Variants in AFF3 observed in about 807,000 individuals in gnomAD.
AFF3 encodes ALF transcription elongation factor 3, also known as AF4/FMR2 family member 3.
In AFF3, 32 loss-of-function variants were observed where a neutral mutation model predicts 129.7. The observed-to-expected ratio is 0.25, with a 90% CI of 0.19 to 0.33. The LOEUF (loss-of-function observed/expected upper bound fraction) is 0.33. Ranked by LOEUF, AFF3 falls within the 10% of genes least tolerant of loss-of-function variation. The probability of loss-of-function intolerance (pLI) is 1.00; values close to 1 mark genes in which losing one functional copy is unlikely to be tolerated. For missense variants in AFF3, 1,373 were observed against 1,592.0 expected (o/e 0.86, Z 2.34); for synonymous variants, 644 against 635.4 (o/e 1.01, Z -0.20).
At chr2:99,973,185 CTCT>C (rs1678562355) in intron 7 of AFF3, among the ~76,000 whole-genome samples, 1 of 152,160 alleles carries the variant, frequency 6.6e-6, no homozygotes, top group Non-Finnish European at 1.5e-5. Context: ...GAGAAAGTTG[CTCT>C]TCTTTTTCTT....
chr2:99,761,172 G>A (rs1231714483), intron 8 of AFF3, among the ~76,000 whole-genome samples: 1 of 149,686 alleles, frequency 6.7e-6, no homozygotes, highest in Non-Finnish European at 1.5e-5. Flanking sequence ...CAAGGGATAC[G>A]TTCAGGTGAC....
At position 99,997,623 on chromosome 2, in the gene AFF3, T is replaced by A. The variant is rs554110370; in HGVS notation, c.873+9009A>T. On this transcript the variant is annotated intron_variant, in intron 7 of 24. Transcript: ENST00000672756. ...CACTCCTCTGCTCCAAACCCTTCAA[T>A]GGCTCCCAATTCTCACAGTAAAGCC... Among the ~76,000 whole-genome samples, 4 of 152,220 alleles carry A rather than the reference T, an allele frequency of 2.6e-5. No homozygotes were observed. In the South Asian group the frequency reaches 8.3e-4, roughly 32 times the overall value.
chr2:99,704,681 T>C (rs1677189560), intron 11 of AFF3, among the ~76,000 whole-genome samples: 1 of 152,180 alleles, frequency 6.6e-6, no homozygotes, highest in Non-Finnish European at 1.5e-5. Flanking sequence ...AGCCCTGAAA[T>C]CCTTCAACTT....
intron 13 of AFF3, among the ~76,000 whole-genome samples, chr2:99,625,677 G>A (rs139197438): frequency 4.6e-5 from 7 of 152,236 alleles, no homozygotes; most frequent in Non-Finnish European, 8.8e-5. Context: ...TTGAGGGCCT[G>A]GGAATTCATA....
chr2:99,553,412 C>T (rs996091528), intron 24 of AFF3, among the ~76,000 whole-genome samples: 8 of 152,140 alleles, frequency 5.3e-5, no homozygotes, highest in African/African-American at 1.9e-4. Flanking sequence ...ATCATGCTCC[C>T]ATGCTATCAT....
At chr2:99,603,702 G>C (rs1166887674) in intron 13 of AFF3, among the ~76,000 whole-genome samples, 1 of 152,116 alleles carries the variant, frequency 6.6e-6, no homozygotes, top group Non-Finnish European at 1.5e-5. Context: ...ACAACCTAAA[G>C]AATAGGAGAA....
At chr2:99,961,289 T>C (rs1365950408) in intron 7 of AFF3, among the ~76,000 whole-genome samples, 3 of 152,228 alleles carry the variant, frequency 2.0e-5, no homozygotes, top group African/African-American at 7.2e-5. Flanking sequence ...GAGGCCTCTT[T>C]CATGTGAAGA....
At chr2:99,880,848 G>A (rs185262952) in intron 7 of AFF3, among the ~76,000 whole-genome samples, 2 of 152,262 alleles carry the variant, frequency 1.3e-5, no homozygotes, top group African/African-American at 2.4e-5. Context: ...AGTTGGAGGA[G>A]GCAAAGGAAA....
intron 4 of AFF3, chr2:100,011,419 A>T (rs560549146): frequency 2.6e-6 from 2 of 778,628 alleles, no homozygotes; most frequent in Non-Finnish European, 4.8e-6. Context: ...AAGTGGCCTC[A>T]TGTAAGATGG....
intron 17 of AFF3, among the ~76,000 whole-genome samples, chr2:99,579,138 T>C (rs1035530884): frequency 1.3e-5 from 2 of 152,120 alleles, no homozygotes; most frequent in Admixed American, 6.5e-5. Flanking sequence ...GGGCACGGTG[T>C]CTCACACCTG....
At chr2:99,715,926 C>T (rs1027590271) in intron 11 of AFF3, among the ~76,000 whole-genome samples, 13 of 152,160 alleles carry the variant, frequency 8.5e-5, no homozygotes, top group Non-Finnish European at 1.5e-4. Flanking sequence ...CCTGCCTCGG[C>T]CTCCCAAAGT....
chr2:99,559,092 C>A (rs1178781168), intron 21 of AFF3, 124 bp from the exon 22 acceptor site: 3 of 778,182 alleles, frequency 3.9e-6, no homozygotes, highest in East Asian at 5.4e-5. Flanking sequence ...CATAGGAAAT[C>A]TTTCTATACG....
intron 4 of AFF3, among the ~76,000 whole-genome samples, chr2:100,014,305 C>T (rs1488977094): frequency 1.3e-5 from 2 of 152,046 alleles, no homozygotes; most frequent in Admixed American, 1.3e-4. Flanking sequence ...TAAGCAAATT[C>T]AAGGAGAAGA....
intron 14 of AFF3, among the ~76,000 whole-genome samples, chr2:99,596,515 C>T (rs1264242437): frequency 6.6e-6 from 1 of 152,152 alleles, no homozygotes; most frequent in East Asian, 1.9e-4. Flanking sequence ...ACACAGTAAA[C>T]AGGAATGGAT....
intron 1 of AFF3, among the ~76,000 whole-genome samples, chr2:100,133,764 C>G (rs966704201): frequency 6.6e-6 from 1 of 152,126 alleles, no homozygotes; most frequent in Non-Finnish European, 1.5e-5. Context: ...AAACCTGTCT[C>G]TACTAAACAT....
chr2:100,033,132 C>T (rs962840738), intron 4 of AFF3, among the ~76,000 whole-genome samples: 1 of 152,122 alleles, frequency 6.6e-6, no homozygotes, highest in African/African-American at 2.4e-5. Flanking sequence ...CCCATATTTC[C>T]TTCCTTGCCA....
intron 21 of AFF3, 123 bp downstream of exon 21, chr2:99,560,242 G>C (rs1159240852): frequency 7.8e-6 from 8 of 1,030,886 alleles, no homozygotes; most frequent in East Asian, 2.4e-5. Flanking sequence ...CTGGTCATTA[G>C]AACTGCTCTG....
chr2:100,014,544 A>G (rs1399233863), intron 4 of AFF3, among the ~76,000 whole-genome samples: 1 of 152,162 alleles, frequency 6.6e-6, no homozygotes, highest in African/African-American at 2.4e-5. Context: ...AAGGGCACCA[A>G]TTCACAATCA....
At chr2:99,688,433 C>A (rs1675283904) in intron 11 of AFF3, among the ~76,000 whole-genome samples, 1 of 152,204 alleles carries the variant, frequency 6.6e-6, no homozygotes, top group African/African-American at 2.4e-5. Flanking sequence ...AGTATACTTT[C>A]CAAATTATAG....
Sources: gnomAD v4.1 joint callset for allele counts (sites outside exome capture counted in the v4.1 genomes callset) on GRCh38, gnomAD v4.1.1 for gene constraint, MANE v1.5 for transcripts, NCBI Gene and HGNC (gene_info 2026-07-23, HGNC 2026-07-21) for gene names.